Variants in RBFOX1 observed in about 807,000 individuals in gnomAD.
RBFOX1 encodes the protein RNA binding protein fox-1 homolog 1.
A neutral mutation model predicts 57.7 loss-of-function variants in RBFOX1; 8 were observed. The observed-to-expected ratio is 0.14, with a 90% CI of 0.08 to 0.25. The LOEUF (loss-of-function observed/expected upper bound fraction) is 0.25, where lower values mean the gene tolerates loss of function less well. Among genes scored for constraint, RBFOX1 ranks in the 10% least tolerant of loss-of-function variants. RBFOX1 has a pLI of 1.00. For synonymous variants in RBFOX1, 326 were observed against 222.4 expected (o/e 1.47, Z -4.15); for missense variants, 611 against 548.5 (o/e 1.11, Z -1.14).
chr16:6,041,649 T>C (rs1220197638), intron 1 of RBFOX1, among the ~76,000 whole-genome samples: 1 of 152,124 alleles, frequency 6.6e-6, no homozygotes, highest in African/African-American at 2.4e-5. Flanking sequence ...AGCCTAAGTC[T>C]TGAAATTATA....
chr16:5,283,561 C>G (rs1240208433), intron 1 of RBFOX1, among the ~76,000 whole-genome samples: 1 of 152,156 alleles, frequency 6.6e-6, no homozygotes, highest in African/African-American at 2.4e-5. Flanking sequence ...GGGAGCCCAC[C>G]TCTTACATCA....
At chr16:6,679,878 G>GGTTTTTTTTTTTTTTTTTT (rs1487919870) in intron 3 of RBFOX1, among the ~76,000 whole-genome samples, 2 of 114,302 alleles carry the variant, frequency 1.7e-5, no homozygotes, top group African/African-American at 7.8e-5. Flanking sequence ...GTTTCTACTT[G>GGTTTTTTTTTTTTTTTTTT]TTTTTTTTTT....
At chr16:6,122,291 G>A (rs1160815652) in intron 1 of RBFOX1, among the ~76,000 whole-genome samples, 1 of 151,836 alleles carries the variant, frequency 6.6e-6, no homozygotes, top group Non-Finnish European at 1.5e-5. Context: ...TCTTGACAGT[G>A]GGGAACAGTC....
intron 4 of RBFOX1, among the ~76,000 whole-genome samples, chr16:7,497,331 C>A (rs143443932): frequency 1.3e-5 from 2 of 152,256 alleles, no homozygotes; most frequent in African/African-American, 4.8e-5. Flanking sequence ...TTTTCCTCTT[C>A]CTTGAATTTG....
At chr16:7,467,690 G>T (rs1056947028) in intron 4 of RBFOX1, among the ~76,000 whole-genome samples, 2 of 152,232 alleles carry the variant, frequency 1.3e-5, no homozygotes, top group African/African-American at 4.8e-5. Context: ...CTACAGAAAA[G>T]TGGGGATATA....
intron 12 of RBFOX1, among the ~76,000 whole-genome samples, chr16:7,657,979 T>C (rs61312127): frequency 0.032 from 4,825 of 152,238 alleles, 158 homozygotes; most frequent in East Asian, 0.19. Flanking sequence ...CTACCCATAC[T>C]GGCTTGGATA....
At chr16:7,363,722 C>G (rs1171947466) in intron 4 of RBFOX1, among the ~76,000 whole-genome samples, 3 of 152,104 alleles carry the variant, frequency 2.0e-5, no homozygotes, top group Non-Finnish European at 4.4e-5. Flanking sequence ...TTGCTTACGG[C>G]TAAGTACATT....
chr16:6,549,145 G>T (rs2096936566), intron 2 of RBFOX1, among the ~76,000 whole-genome samples: 1 of 24,638 alleles, frequency 4.1e-5, no homozygotes, highest in African/African-American at 2.4e-4. Flanking sequence ...GGAGGAGGAG[G>T]GAAGGAGGAG....
intron 3 of RBFOX1, among the ~76,000 whole-genome samples, chr16:5,655,380 A>G (rs1467152170): frequency 2.0e-5 from 3 of 152,230 alleles, no homozygotes; most frequent in African/African-American, 7.2e-5. Context: ...GACATCAAGC[A>G]TCACAGACTT....
At chr16:7,639,103 A>G (rs536333851) in intron 11 of RBFOX1, among the ~76,000 whole-genome samples, 1 of 152,302 alleles carries the variant, frequency 6.6e-6, no homozygotes, top group African/African-American at 2.4e-5. Context: ...ATCAAGATAC[A>G]GGAATTGGGT....
chr16:6,339,078 A>G (rs759838115), intron 2 of RBFOX1, among the ~76,000 whole-genome samples: 14 of 152,314 alleles, frequency 9.2e-5, no homozygotes, highest in Middle Eastern at 3.4e-3. Context: ...ATGTATGTGC[A>G]TGCAGTGAAA....
intron 2 of RBFOX1, among the ~76,000 whole-genome samples, chr16:6,339,029 A>C (rs777815938): frequency 2.0e-5 from 3 of 152,228 alleles, no homozygotes; most frequent in Non-Finnish European, 4.4e-5. Context: ...TTAGACAATT[A>C]GATAGAAGGA....
chr16:6,713,788 G>A (rs545227643), intron 3 of RBFOX1, among the ~76,000 whole-genome samples: 2 of 152,014 alleles, frequency 1.3e-5, no homozygotes, highest in Non-Finnish European at 2.9e-5. Flanking sequence ...TTTCAGTTTT[G>A]ACACCACCTT....
chr16:5,250,294 T>C (rs1200641217), intron 1 of RBFOX1, among the ~76,000 whole-genome samples: 1 of 137,862 alleles, frequency 7.3e-6, no homozygotes, highest in Non-Finnish European at 1.6e-5. Flanking sequence ...CTGGGATACA[T>C]GTGCAGAATG....
At chr16:6,763,085 A>G (rs1312936272) in intron 3 of RBFOX1, among the ~76,000 whole-genome samples, 3 of 152,202 alleles carry the variant, frequency 2.0e-5, no homozygotes, top group African/African-American at 7.2e-5. Flanking sequence ...CTGTATTACG[A>G]GAACTTATGT....
At chr16:6,694,364 T>G (rs1348470746) in intron 3 of RBFOX1, among the ~76,000 whole-genome samples, 1 of 152,166 alleles carries the variant, frequency 6.6e-6, no homozygotes, top group Non-Finnish European at 1.5e-5. Flanking sequence ...TTATGTAGAT[T>G]ATATCCACAG....
chr16:7,013,524 C>T (rs1275836347), intron 3 of RBFOX1, among the ~76,000 whole-genome samples: 1 of 152,138 alleles, frequency 6.6e-6, no homozygotes, highest in African/African-American at 2.4e-5. Context: ...GTCCCCAAAG[C>T]AAAGAATTGT....
intron 3 of RBFOX1, among the ~76,000 whole-genome samples, chr16:5,690,086 C>T (rs578074945): frequency 2.6e-5 from 4 of 152,304 alleles, no homozygotes; most frequent in Admixed American, 1.3e-4. Context: ...GAGAGGAGTA[C>T]GGCCTGAGAG....
chr16:6,285,139 A>G (rs2046689018), intron 1 of RBFOX1, among the ~76,000 whole-genome samples: 13 of 152,158 alleles, frequency 8.5e-5, no homozygotes, highest in Admixed American at 8.5e-4. Flanking sequence ...AATAATGGCT[A>G]AAAGTATGGA....
Sources: gnomAD v4.1 joint callset for allele counts (sites outside exome capture counted in the v4.1 genomes callset) on GRCh38, gnomAD v4.1.1 for gene constraint, MANE v1.5 for transcripts, NCBI Gene and HGNC (gene_info 2026-07-23, HGNC 2026-07-21) for gene names.